The following TAF4B variants were observed in gnomAD, a reference collection of about 807,000 sequenced individuals.
TAF4B encodes transcription initiation factor TFIID subunit 4B.
Under a neutral mutation model 86.4 loss-of-function variants are expected in TAF4B, and 38 were observed. That is an observed-to-expected ratio of 0.44 (90% CI 0.34 to 0.58). TAF4B has a LOEUF of 0.58. TAF4B is among the 20% of genes least tolerant of loss of function. The probability of loss-of-function intolerance (pLI) is 0.02; values close to 1 mark genes in which losing one functional copy is unlikely to be tolerated. For missense variants in TAF4B, 988 were observed against 1,027.6 expected (o/e 0.96, Z 0.53); for synonymous variants, 388 against 391.2 (o/e 0.99, Z 0.10).
intron 13 of TAF4B, among the ~76,000 whole-genome samples, chr18:26,355,123 G>A (rs1329529372): frequency 2.0e-5 from 3 of 152,118 alleles, no homozygotes; most frequent in African/African-American, 7.2e-5. Context: ...TTATATCTCA[G>A]TATTTCATTT....
intron 5 of TAF4B, among the ~76,000 whole-genome samples, chr18:26,277,989 A>G (rs936016964): frequency 1.3e-5 from 2 of 152,216 alleles, no homozygotes; most frequent in East Asian, 1.9e-4. Flanking sequence ...AACAAATGCT[A>G]TCCATTGTTT....
intron 14 of TAF4B, among the ~76,000 whole-genome samples, chr18:26,381,063 G>C (rs755129048): frequency 3.4e-4 from 52 of 152,160 alleles, no homozygotes; most frequent in Non-Finnish European, 6.6e-4. Flanking sequence ...CGCCCAGGCT[G>C]GAGTGCAGTG....
At chr18:26,282,493 TA>T (rs1260454536) in intron 6 of TAF4B, among the ~76,000 whole-genome samples, 1 of 152,224 alleles carries the variant, frequency 6.6e-6, no homozygotes, top group Non-Finnish European at 1.5e-5. Flanking sequence ...ATATGCTAAT[TA>T]AAAAATATTT....
At chr18:26,322,857 A>G (rs140864962) in intron 11 of TAF4B, among the ~76,000 whole-genome samples, 167 of 151,950 alleles carry the variant, frequency 1.1e-3, no homozygotes, top group African/African-American at 3.6e-3. Context: ...TTCCTTTTAT[A>G]ATGTAGGCGT....
chr18:26,295,760 T>C (rs1397559864), intron 9 of TAF4B, among the ~76,000 whole-genome samples: 1 of 152,252 alleles, frequency 6.6e-6, no homozygotes, highest in African/African-American at 2.4e-5. Flanking sequence ...TATTACCTTT[T>C]TTTTAAATGT....
intron 10 of TAF4B, among the ~76,000 whole-genome samples, chr18:26,320,592 A>G (rs1161479981): frequency 6.6e-6 from 1 of 152,226 alleles, no homozygotes; most frequent in Non-Finnish European, 1.5e-5. Context: ...GGTAATAGAC[A>G]AAAGGAATAT....
chr18:26,253,220 G>T (rs147853350), intron 1 of TAF4B, among the ~76,000 whole-genome samples: 2 of 152,270 alleles, frequency 1.3e-5, no homozygotes, highest in African/African-American at 4.8e-5. Flanking sequence ...TGGGTCTTCT[G>T]TAAATCCATT....
rs1444997505 is a variant in TAF4B at position 26,315,389 on chromosome 18, T to G, written c.1993T>G (p.Leu665Val). 1 of 1,611,726 alleles carries G rather than the reference T, an allele frequency of 6.2e-7. No homozygotes were observed. Among genetic ancestry groups the G allele is most frequent in the East Asian group, 2.2e-5 (1 of 44,824 alleles). Residue 665 changes from leucine (L) to valine (V), a missense_variant, in exon 10 of 15, where the codon TTA becomes GTA. Physicochemically the swap from Leu to Val is conservative, Grantham distance 32. Around this residue, in one of 3 missense-constraint regions of TAF4B, gnomAD observed 216 missense variants for 238.4 expected, o/e 0.91. Transcript: ENST00000269142. Reference sequence around the variant, plus strand: ...TATTGGAGCTCTACAAAAGAGAATTTTAGACATTGGTAAGTGTAGAGTTAT... The same window carrying G: ...TATTGGAGCTCTACAAAAGAGAATTGTAGACATTGGTAAGTGTAGAGTTAT... ...LFIGALQKRI[L>V]DIGKKHDITE... is the part of the protein sequence containing the mutation.
intron 1 of TAF4B, among the ~76,000 whole-genome samples, chr18:26,255,307 G>A: frequency 7.0e-6 from 1 of 142,742 alleles, no homozygotes; most frequent in African/African-American, 2.4e-5. Flanking sequence ...TTCAGAGTTT[G>A]TGGGACTGGG....
chr18:26,226,737 G>C lies in TAF4B; in HGVS notation c.-197G>C. 2.3e-6 allele frequency: 1 copy of C among 441,006 alleles called. No homozygotes were observed. Among genetic ancestry groups the C allele is most frequent in the Non-Finnish European group, 3.9e-6 (1 of 257,302 alleles). 27.3% of individuals were successfully genotyped at this position (441,006 alleles called of 1,614,324 possible). ...GGGGGCAGCCCAGGCTCGCGCGGAC[G>C]AGAGGAAGGTCCGGGACGCGCGTGT... On this transcript the variant is annotated 5_prime_UTR_variant, in exon 1 of 15. Coordinates refer to ENST00000269142, the MANE Select transcript of TAF4B (RefSeq NM_005640.3).
chr18:26,266,134 C>G lies in TAF4B; in HGVS notation c.489+819C>G, dbSNP rs188860340. ...TAATATTCTTTTTTGTTTTTTGAGA[C>G]GGAGTTTTGCTCTTGTTACCCAGGC... On this transcript the variant is annotated intron_variant, in intron 2 of 14. Coordinates refer to ENST00000269142, the MANE Select transcript of TAF4B (RefSeq NM_005640.3). The G allele has an allele frequency of 3.3e-5, 5 of 151,984 alleles. No individual in the cohort carries two copies. In the East Asian group the frequency reaches 5.9e-4, roughly 18 times the overall value. The allele number at this position is 151,984 out of a possible 1,614,324, so 9.4% of individuals were successfully genotyped here. A position where few individuals can be genotyped will look rare whatever the true frequency, so the allele number is the denominator to read the frequency against.
intron 1 of TAF4B, among the ~76,000 whole-genome samples, chr18:26,237,596 T>C (rs1029738537): frequency 1.3e-5 from 2 of 152,076 alleles, no homozygotes; most frequent in African/African-American, 4.8e-5. Flanking sequence ...AGCTAGGATA[T>C]GGAGGTAAGC....
chr18:26,307,534 G>T (rs922650500), intron 9 of TAF4B, among the ~76,000 whole-genome samples: 7 of 152,130 alleles, frequency 4.6e-5, no homozygotes, highest in Middle Eastern at 3.4e-3. Context: ...TTTATTTAAA[G>T]TCCTTATATT....
At chr18:26,231,789 T>C (rs972798351) in intron 1 of TAF4B, among the ~76,000 whole-genome samples, 2 of 151,886 alleles carry the variant, frequency 1.3e-5, no homozygotes, top group African/African-American at 4.8e-5. Context: ...ACCCAAAGAG[T>C]GAGCGGTAGC....
At chr18:26,252,222 T>C in intron 1 of TAF4B, among the ~76,000 whole-genome samples, 1 of 152,218 alleles carries the variant, frequency 6.6e-6, no homozygotes, top group East Asian at 1.9e-4. Context: ...AGTGTTAGTT[T>C]TGTACTTTGT....
At chr18:26,368,028 A>G (rs2057382886) in intron 14 of TAF4B, among the ~76,000 whole-genome samples, 1 of 152,184 alleles carries the variant, frequency 6.6e-6, no homozygotes, top group African/African-American at 2.4e-5. Context: ...GCTCTCTTCA[A>G]AGGTCAAAGT....
intron 1 of TAF4B, chr18:26,255,582 A>G (rs1002542380): frequency 6.4e-6 from 4 of 628,970 alleles, no homozygotes; most frequent in Admixed American, 3.3e-5. Flanking sequence ...AGCCTGGACA[A>G]CAAGAGCAAA....
intron 9 of TAF4B, among the ~76,000 whole-genome samples, chr18:26,306,642 C>T (rs1404363099): frequency 6.6e-6 from 1 of 152,070 alleles, no homozygotes; most frequent in Non-Finnish European, 1.5e-5. Flanking sequence ...CAAAGGTGCA[C>T]TTTTCATTTT....
chr18:26,324,968 C>G (rs898155181), intron 11 of TAF4B, among the ~76,000 whole-genome samples: 1 of 152,160 alleles, frequency 6.6e-6, no homozygotes, highest in Non-Finnish European at 1.5e-5. Flanking sequence ...GTAGGAAATT[C>G]TACTCCATAG....
Sources: gnomAD v4.1 joint callset for allele counts (sites outside exome capture counted in the v4.1 genomes callset) on GRCh38, gnomAD v4.1.1 for gene constraint, gnomAD v4.1.1 regional missense constraint, MANE v1.5 for transcripts, NCBI Gene and HGNC (gene_info 2026-07-23, HGNC 2026-07-21) for gene names.